The following SYNRG variants were observed in gnomAD, a reference collection of about 807,000 sequenced individuals.
The protein encoded by SYNRG is synergin gamma, also known as AP1 gamma subunit binding protein 1.
SYNRG carries 37 observed loss-of-function variants against 130.9 expected under a neutral mutation model. The observed-to-expected ratio is 0.28, with a 90% CI of 0.22 to 0.37. The LOEUF is 0.37. Ranked by LOEUF, SYNRG falls within the 10% of genes least tolerant of loss-of-function variation. The pLI, the probability that SYNRG is intolerant of heterozygous loss-of-function variation, is 1.00. For synonymous variants in SYNRG, 539 were observed against 568.1 expected (o/e 0.95, Z 0.73); for missense variants, 1,338 against 1,588.9 (o/e 0.84, Z 2.68).
At chr17:37,585,236 T>C (rs1365072563) in intron 5 of SYNRG, 89 bp downstream of exon 5, 4 of 1,014,098 alleles carry the variant, frequency 3.9e-6, no homozygotes, top group Non-Finnish European at 5.9e-6. Flanking sequence ...CTTGGGCTGG[T>C]GCCCCAGTGA....
intron 2 of SYNRG, among the ~76,000 whole-genome samples, chr17:37,599,052 A>G (rs2063030647): frequency 6.6e-6 from 1 of 152,264 alleles, no homozygotes; most frequent in Non-Finnish European, 1.5e-5. Context: ...AGACAAAGTC[A>G]GGATGAGCCA....
At chr17:37,578,725 A>G (rs1170777741) in intron 6 of SYNRG, among the ~76,000 whole-genome samples, 1 of 152,234 alleles carries the variant, frequency 6.6e-6, no homozygotes, top group East Asian at 1.9e-4. Context: ...CCAAGGACAA[A>G]TTGACAGTAA....
intron 6 of SYNRG, chr17:37,584,423 G>A: frequency 2.4e-6 from 1 of 418,854 alleles, no homozygotes; most frequent in Non-Finnish European, 4.4e-6. Context: ...TTGTCATACT[G>A]ATATTTAATT....
intron 18 of SYNRG, 70 bp from the exon 19 acceptor site, chr17:37,536,197 T>C (rs991048764): frequency 8.7e-6 from 13 of 1,493,682 alleles, no homozygotes; most frequent in Non-Finnish European, 1.1e-5. Flanking sequence ...AGGGGAGCAT[T>C]ATTGCTTGCT....
intron 5 of SYNRG, 102 bp from the exon 6 acceptor site, chr17:37,584,861 T>C (rs1275950272): frequency 3.6e-6 from 3 of 832,458 alleles, no homozygotes; most frequent in Non-Finnish European, 5.6e-6. Context: ...ATTTCCAATA[T>C]TTTTACCACA....
At chr17:37,585,626 G>A (rs1159374948) in intron 4 of SYNRG, among the ~76,000 whole-genome samples, 196 bp from the exon 5 acceptor site, 1 of 152,138 alleles carries the variant, frequency 6.6e-6, no homozygotes, top group Non-Finnish European at 1.5e-5. Flanking sequence ...TGAGTCTAAA[G>A]AATGATTTAC....
chr17:37,598,303 C>T (rs1367459452), intron 2 of SYNRG, among the ~76,000 whole-genome samples: 1 of 152,108 alleles, frequency 6.6e-6, no homozygotes, highest in African/African-American at 2.4e-5. Flanking sequence ...TCAACAAGAA[C>T]CTCAAGTAAA....
chr17:37,582,339 A>G (rs2061397926), intron 6 of SYNRG, among the ~76,000 whole-genome samples: 1 of 152,162 alleles, frequency 6.6e-6, no homozygotes, highest in African/African-American at 2.4e-5. Flanking sequence ...GCCCTCCCAC[A>G]TTGTATTCCA....
chr17:37,582,054 C>T (rs1331502294), intron 6 of SYNRG, among the ~76,000 whole-genome samples: 1 of 152,138 alleles, frequency 6.6e-6, no homozygotes. Flanking sequence ...TGAGCAACCG[C>T]ACCTGGCCTC....
intron 3 of SYNRG, among the ~76,000 whole-genome samples, chr17:37,595,444 C>G (rs572084188): frequency 1.4e-4 from 21 of 152,210 alleles, no homozygotes; most frequent in South Asian, 1.2e-3. Flanking sequence ...GAGCTAAACA[C>G]TGGGTGCACA....
intron 19 of SYNRG, among the ~76,000 whole-genome samples, chr17:37,523,879 G>C (rs542347849): frequency 3.2e-4 from 49 of 152,354 alleles, no homozygotes; most frequent in African/African-American, 1.2e-3. Context: ...AGTGAAGACA[G>C]AAGAGGGCTG....
In SYNRG at chr17:37,553,315, G is replaced by C. The variant is rs767405225; in HGVS notation, c.2408C>G (p.Thr803Ser). 1.2e-6 allele frequency: 2 copies of C among 1,614,058 alleles called. No individual in the cohort carries two copies. Among genetic ancestry groups the C allele is most frequent in the Non-Finnish European group, 1.7e-6 (2 of 1,180,044 alleles). ...CTTCACTGATGCAGAGTCTTCTTTG[G>C]TGTGTCTGAAAGCCACTGCTTTCTC... Reference protein sequence around the residue: ...LGEKAVAFRHTKEDSASVKSL... With the variant: ...LGEKAVAFRHSKEDSASVKSL... Residue 803 changes from threonine (T) to serine (S), a missense_variant, in exon 14 of 22, where the codon ACC (threonine) becomes AGC (serine). By Grantham distance (58) the Thr-to-Ser change is moderately conservative. Coordinates refer to ENST00000612223, the MANE Select transcript of SYNRG (RefSeq NM_007247.6).
chr17:37,594,423 A>G (rs2062556064), intron 3 of SYNRG, among the ~76,000 whole-genome samples: 1 of 148,280 alleles, frequency 6.7e-6, no homozygotes, highest in Non-Finnish European at 1.5e-5. Context: ...ATTGTATTCT[A>G]TGGTAGATTG....
chr17:37,569,180 C>T (rs1325782457), intron 10 of SYNRG, among the ~76,000 whole-genome samples: 1 of 152,208 alleles, frequency 6.6e-6, no homozygotes, highest in Non-Finnish European at 1.5e-5. Context: ...GAGATCGAGG[C>T]AGACAGATCT....
At chr17:37,560,382 C>T (rs1433204900) in intron 13 of SYNRG, among the ~76,000 whole-genome samples, 1 of 149,952 alleles carries the variant, frequency 6.7e-6, no homozygotes, top group Non-Finnish European at 1.5e-5. Flanking sequence ...GTTGCCCAGG[C>T]TGGAGTGCAG....
chr17:37,527,055 A>G (rs892076790), intron 19 of SYNRG, among the ~76,000 whole-genome samples: 1 of 152,204 alleles, frequency 6.6e-6, no homozygotes, highest in African/African-American at 2.4e-5. Flanking sequence ...TGTTCTCCTG[A>G]TATGTCACAG....
In SYNRG at chr17:37,585,312, A is replaced by G. The variant is rs1327375342; in HGVS notation, c.477+13T>C. ...GTGTATGTTCTGGGTGAAGAGAAGT[A>G]TTGAAATACTACCTTGGGTTTCACA... On this transcript the variant is annotated intron_variant, in intron 5 of 21. Coordinates refer to ENST00000612223, the MANE Select transcript of SYNRG (RefSeq NM_007247.6). 5 of 1,604,022 alleles carry G rather than the reference A, an allele frequency of 3.1e-6. No homozygotes were observed. The highest frequency in any genetic ancestry group is 1.3e-5 in the African/African-American group (1 of 74,382).
chr17:37,533,433 G>A (rs1438324354), intron 19 of SYNRG, among the ~76,000 whole-genome samples: 1 of 151,020 alleles, frequency 6.6e-6, no homozygotes, highest in Non-Finnish European at 1.5e-5. Context: ...TCTGGTAGAG[G>A]TGTGCAGAAT....
intron 13 of SYNRG, 37 bp downstream of exon 13, chr17:37,561,158 G>T (rs763018130): frequency 1.5e-5 from 23 of 1,557,600 alleles, no homozygotes; most frequent in Non-Finnish European, 1.9e-5. Context: ...TATTAAAAAT[G>T]GAAATAATTT....
Sources: gnomAD v4.1 joint callset for allele counts (sites outside exome capture counted in the v4.1 genomes callset) on GRCh38, gnomAD v4.1.1 for gene constraint, MANE v1.5 for transcripts, NCBI Gene and HGNC (gene_info 2026-07-23, HGNC 2026-07-21) for gene names.